The following TMTC2 variants were observed in gnomAD, a reference collection of about 807,000 sequenced individuals.
The protein encoded by TMTC2 is protein O-mannosyl-transferase TMTC2.
In TMTC2, 43 loss-of-function variants were observed where a neutral mutation model predicts 82.4. The ratio of observed to expected loss-of-function variants is 0.52; its 90% CI spans 0.41 to 0.67. TMTC2 has a LOEUF of 0.67. Among genes scored for constraint, TMTC2 ranks in the 30% least tolerant of loss-of-function variants. The pLI, the probability that TMTC2 is intolerant of heterozygous loss-of-function variation, is 0.00. For missense variants in TMTC2, 919 were observed against 1,012.4 expected, an observed-to-expected ratio of 0.91 and a Z score of 1.25; for synonymous variants, 408 against 381.9, an observed-to-expected ratio of 1.07 and a Z score of -0.80.
At chr12:82,829,802 G>A (rs1192955470) in intron 1 of TMTC2, among the ~76,000 whole-genome samples, 1 of 152,182 alleles carries the variant, frequency 6.6e-6, no homozygotes, top group Admixed American at 6.5e-5. Context: ...CTTTGAAGGA[G>A]GAGAGAGGGA....
At chr12:82,841,667 A>G (rs1042763648) in intron 1 of TMTC2, among the ~76,000 whole-genome samples, 1 of 152,202 alleles carries the variant, frequency 6.6e-6, no homozygotes, top group African/African-American at 2.4e-5. Flanking sequence ...TTGCTACAAT[A>G]TGTTCAAAGT....
At chr12:82,815,018 C>T (rs1045916281) in intron 1 of TMTC2, among the ~76,000 whole-genome samples, 1 of 152,042 alleles carries the variant, frequency 6.6e-6, no homozygotes, top group Non-Finnish European at 1.5e-5. Flanking sequence ...GACATCAGGA[C>T]ATTGGAGGTA....
At chr12:82,915,349 A>G (rs753826328) in intron 3 of TMTC2, among the ~76,000 whole-genome samples, 10 of 152,194 alleles carry the variant, frequency 6.6e-5, no homozygotes, top group Non-Finnish European at 1.3e-4. Context: ...CACATTACAT[A>G]TTTACTAAAT....
chr12:82,716,200 TGTCTTCTAA>T lies in TMTC2; in HGVS notation c.83+28532_83+28540del, dbSNP rs1177225552. ...CAACTTGATATGCTAGTTTAAATAC[TGTCTTCTAA>T]AGAGCAAGCTTTTTATTTCTAGACA... On this transcript the variant is annotated intron_variant, in intron 1 of 11. Transcript: ENST00000321196. Among the ~76,000 whole-genome samples, 3 of 152,338 alleles carry T rather than the reference TGTCTTCTAA, an allele frequency of 2.0e-5. No individual in the cohort carries two copies. The East Asian group carries it at 5.8e-4, about 29-fold the overall frequency.
At chr12:82,837,771 A>G (rs555753111) in intron 1 of TMTC2, among the ~76,000 whole-genome samples, 1 of 152,300 alleles carries the variant, frequency 6.6e-6, no homozygotes, top group Non-Finnish European at 1.5e-5. Flanking sequence ...ATTGACTAAA[A>G]CAAAGTTGTG....
At chr12:82,764,251 C>T (rs1453687757) in intron 1 of TMTC2, among the ~76,000 whole-genome samples, 1 of 152,130 alleles carries the variant, frequency 6.6e-6, no homozygotes, top group African/African-American at 2.4e-5. Flanking sequence ...TATTCTTCTG[C>T]CTCAACCTCT....
intron 1 of TMTC2, among the ~76,000 whole-genome samples, chr12:82,841,074 C>T (rs1870310704): frequency 6.6e-6 from 1 of 152,148 alleles, no homozygotes; most frequent in Non-Finnish European, 1.5e-5. Flanking sequence ...GCCACTACAC[C>T]TGGCCAAGAT....
chr12:82,912,809 AT>A (rs1392429320), intron 3 of TMTC2, among the ~76,000 whole-genome samples: 1 of 152,018 alleles, frequency 6.6e-6, no homozygotes, highest in Non-Finnish European at 1.5e-5. Flanking sequence ...GTGGTGGTGC[AT>A]ACCTGTAGTT....
intron 2 of TMTC2, among the ~76,000 whole-genome samples, chr12:82,877,348 A>T (rs1872632473): frequency 6.6e-6 from 1 of 152,208 alleles, no homozygotes; most frequent in African/African-American, 2.4e-5. Flanking sequence ...CAAATTACTG[A>T]CAGTTGCTGT....
In TMTC2 at chr12:82,689,436, G is replaced by A. The variant is rs147212315; in HGVS notation, c.83+1767G>A. Among the ~76,000 whole-genome samples, 327 of 152,250 alleles carry A rather than the reference G, an allele frequency of 2.1e-3. 2 individuals carry two copies. Among genetic ancestry groups the A allele is most frequent in the African/African-American group, 7.6e-3 (314 of 41,546 alleles). ...TAAGCATTTAAACCAAGAATATAGAGTTTATTTAAAAAAAGAAACTTATTA... is the reference window on the plus strand; with the variant it reads ...TAAGCATTTAAACCAAGAATATAGAATTTATTTAAAAAAAGAAACTTATTA... On this transcript the variant is annotated intron_variant, in intron 1 of 11. Transcript: ENST00000321196.
intron 7 of TMTC2, among the ~76,000 whole-genome samples, chr12:82,981,736 A>C (rs1204643745): frequency 6.6e-6 from 1 of 151,778 alleles, no homozygotes; most frequent in Non-Finnish European, 1.5e-5. Flanking sequence ...TTCCCGACCA[A>C]GTGTCTTCGT....
chr12:83,099,060 T>C (rs1252099564), intron 11 of TMTC2, among the ~76,000 whole-genome samples: 3 of 152,246 alleles, frequency 2.0e-5, no homozygotes, highest in Non-Finnish European at 1.5e-5. Context: ...TATCCATTTC[T>C]ATTGCTGGGA....
At chr12:83,085,325 T>G (rs2137510451) in intron 11 of TMTC2, among the ~76,000 whole-genome samples, 1 of 152,356 alleles carries the variant, frequency 6.6e-6, no homozygotes, top group Non-Finnish European at 1.5e-5. Context: ...TTTATCTGAC[T>G]TACCTTTTTC....
At chr12:82,850,826 G>A (rs1018188044) in intron 1 of TMTC2, among the ~76,000 whole-genome samples, 2 of 152,134 alleles carry the variant, frequency 1.3e-5, no homozygotes, top group African/African-American at 4.8e-5. Context: ...AGCACTTAGG[G>A]AGGCTGAGGT....
At chr12:82,999,552 G>A (rs965426271) in intron 8 of TMTC2, among the ~76,000 whole-genome samples, 1 of 152,192 alleles carries the variant, frequency 6.6e-6, no homozygotes, top group African/African-American at 2.4e-5. Flanking sequence ...CCACATGGCT[G>A]GGGAGGCCAC....
At chr12:83,058,639 G>A (rs571463849) in intron 10 of TMTC2, among the ~76,000 whole-genome samples, 3 of 151,934 alleles carry the variant, frequency 2.0e-5, no homozygotes, top group East Asian at 3.9e-4. Flanking sequence ...CATGTTAAAC[G>A]GAGCAAGTTG....
chr12:83,028,576 A>C (rs1370004405), intron 8 of TMTC2, among the ~76,000 whole-genome samples: 1 of 152,014 alleles, frequency 6.6e-6, no homozygotes, highest in Non-Finnish European at 1.5e-5. Flanking sequence ...CCATTACTGT[A>C]TCAGATGAAA....
intron 3 of TMTC2, among the ~76,000 whole-genome samples, chr12:82,919,708 C>T (rs1291503874): frequency 6.6e-6 from 1 of 152,190 alleles, no homozygotes; most frequent in Non-Finnish European, 1.5e-5. Context: ...AGTAACTAGT[C>T]CCTACTAAAT....
At chr12:82,998,233 G>A (rs1263591489) in intron 8 of TMTC2, among the ~76,000 whole-genome samples, 2 of 151,992 alleles carry the variant, frequency 1.3e-5, no homozygotes, top group African/African-American at 4.8e-5. Context: ...TGATATGATG[G>A]GTGGACGGAG....
Sources: allele counts gnomAD v4.1 joint callset (sites outside exome capture counted in the v4.1 genomes callset), GRCh38; gene constraint gnomAD v4.1.1; transcripts MANE v1.5; gene names NCBI Gene and HGNC (gene_info 2026-07-23, HGNC 2026-07-21).